Variants in RPL13A observed in about 807,000 individuals in gnomAD.
The protein encoded by RPL13A is large ribosomal subunit protein uL13.
RPL13A carries 4 observed loss-of-function variants against 30.8 expected under a neutral mutation model. That is an observed-to-expected ratio of 0.13 (90% CI 0.06 to 0.30). RPL13A has a LOEUF of 0.30. Ranked by LOEUF, RPL13A falls within the 10% of genes least tolerant of loss-of-function variation. The pLI is 1.00. For synonymous variants in RPL13A, 108 were observed against 104.2 expected, an observed-to-expected ratio of 1.04 and a Z score of -0.22; for missense variants, 196 against 272.6, an observed-to-expected ratio of 0.72 and a Z score of 1.98.
chr19:49,490,367 G>A, intron 3 of RPL13A, 70 bp downstream of exon 3: 1 of 1,593,466 alleles, frequency 6.3e-7, no homozygotes, highest in Non-Finnish European at 8.6e-7. Flanking sequence ...GAAAGCAATT[G>A]CAGCCGTGTT....
chr19:49,491,119 G>T lies in RPL13A; in HGVS notation c.402+20G>T. 2.5e-6 allele frequency: 4 copies of T among 1,613,796 alleles called. No homozygotes were observed. Among genetic ancestry groups the T allele is most frequent in the Non-Finnish European group, 3.4e-6 (4 of 1,179,848 alleles). On this transcript the variant is annotated intron_variant, in intron 6 of 7. Coordinates refer to ENST00000391857, the MANE Select transcript of RPL13A (RefSeq NM_012423.4). ...AGAAAGGTGAGTCCCAGCTTACGCT[G>T]CACCATCTACTTGGGAGATTTCAGG...
At position 49,491,026 on chromosome 19, in the gene RPL13A, T is replaced by A; in HGVS notation, c.343-14T>A. On this transcript the variant is annotated splice_polypyrimidine_tract_variant and intron_variant, in intron 5 of 7. Transcript: ENST00000391857. ...TCCCTCCCGGGCTCTTAAGCCCCTC[T>A]CTTTCTCTAACAGAAAAAGCGGATG... is the stretch of plus-strand genomic sequence containing the variant. The A allele has an allele frequency of 6.2e-7, 1 of 1,614,234 alleles. No homozygotes were observed. The highest frequency in any genetic ancestry group is 2.2e-5 in the East Asian group (1 of 44,882).
intron 1 of RPL13A, 104 bp downstream of exon 1, chr19:49,487,748 C>T: frequency 8.3e-7 from 1 of 1,200,508 alleles, no homozygotes; most frequent in Non-Finnish European, 1.1e-6. Flanking sequence ...GCTTAACATC[C>T]ATAATGAAGC....
rs1181895568 is a variant in RPL13A at position 49,491,410 on chromosome 19, C to CT, written c.403-15_403-14insT. 9.5e-6 allele frequency: 6 copies of CT among 632,652 alleles called. No individual in the cohort carries two copies. The African/African-American group carries it at 1.4e-4, about 15-fold the overall frequency. 39.2% of individuals were successfully genotyped at this position (632,652 alleles called of 1,614,324 possible). A position where few individuals can be genotyped will look rare whatever the true frequency, so the allele number is the denominator to read the frequency against. ...TACAACTTCATTTGTTCACCCCCCC[C>CT]CCCCCCCCCCGCAGTTTGCCTATCT... On this transcript the variant is annotated splice_polypyrimidine_tract_variant and intron_variant, in intron 6 of 7. Transcript: ENST00000391857.
Position 49,491,698 on chromosome 19 carries a change from GACC to G in RPL13A, c.526-21_526-19del, listed in dbSNP as rs1238247144. The G allele has an allele frequency of 6.8e-6, 11 of 1,606,164 alleles. No individual in the cohort carries two copies. In the South Asian group the frequency reaches 7.8e-5, roughly 11 times the overall value. On this transcript the variant is annotated intron_variant, in intron 7 of 7. Transcript: ENST00000391857. ...TAATGAGGGCAATGCAACCCCTCCT[GACC>G]ACCACCACCTGCACTTATTCTTGGC...
At chr19:49,490,606 G>A in intron 4 of RPL13A, 30 bp downstream of exon 4, 1 of 1,609,926 alleles carries the variant, frequency 6.2e-7, no homozygotes, top group Non-Finnish European at 8.5e-7. Flanking sequence ...TGCAGGTGGT[G>A]ACGGGCAGGC....
At chr19:49,490,035 C>A (rs759274029) in intron 2 of RPL13A, 113 bp downstream of exon 2, 19 of 1,028,318 alleles carry the variant, frequency 1.8e-5, no homozygotes, top group Non-Finnish European at 2.8e-5. Flanking sequence ...CCCCATGCAC[C>A]GCTCTGAGAC....
chr19:49,489,988 AC>A, intron 2 of RPL13A, 66 bp downstream of exon 2: 1 of 1,306,974 alleles, frequency 7.7e-7, no homozygotes, highest in Non-Finnish European at 1.1e-6. Context: ...AGCAACATTC[AC>A]CATCTTTCGT....
chr19:49,491,124 A>G (rs1224794417), intron 6 of RPL13A, 25 bp downstream of exon 6: 2 of 1,613,764 alleles, frequency 1.2e-6, no homozygotes, highest in Non-Finnish European at 8.5e-7. Context: ...ACGCTGCACC[A>G]TCTACTTGGG....
chr19:49,489,269 A>G lies in RPL13A; in HGVS notation c.16-581A>G, dbSNP rs183845188. On this transcript the variant is annotated intron_variant, in intron 1 of 7. Transcript: ENST00000391857. ...CGAGCATTTTGGAAGGCCGAGGCAC[A>G]CGGTTCACTTGAAGCGAGGAGTACA... Among the ~76,000 whole-genome samples the G allele has an allele frequency of 2.5e-3, 387 of 152,290 alleles. 1 individual carries two copies. Among genetic ancestry groups the G allele is most frequent in the African/African-American group, 8.9e-3 (372 of 41,566 alleles).
chr19:49,490,484 T>C lies in RPL13A; in HGVS notation c.164T>C (p.Leu55Pro). 1 of 1,614,208 alleles carries C rather than the reference T, an allele frequency of 6.2e-7. No individual in the cohort carries two copies. The highest frequency in any genetic ancestry group is 8.5e-7 in the Non-Finnish European group (1 of 1,180,036). ...GNFYRNKLKY[L>P]AFLRKRMNTN... ...TCTCCCCTCTCCCTAGTGAAGTACCTGGCTTTCCTCCGCAAGCGGATGAAC... is the reference window on the plus strand; with the variant it reads ...TCTCCCCTCTCCCTAGTGAAGTACCCGGCTTTCCTCCGCAAGCGGATGAAC... The change falls in exon 4 of 8, where the codon CTG (leucine) becomes CCG (proline). Residue 55 changes from leucine to proline, a missense_variant. Coordinates refer to ENST00000391857, the MANE Select transcript of RPL13A (RefSeq NM_012423.4).
In RPL13A at chr19:49,492,015, T is replaced by C. The variant is rs1476189763; in HGVS notation, c.*200T>C. The stretch of plus-strand genomic sequence containing the variant: ...CACTCGGAGAATTGTGCAGGTGTCA[T>C]TTATCTATGACCAATAGGAAGAGCA... On this transcript the variant is annotated 3_prime_UTR_variant, in exon 8 of 8. Transcript: ENST00000391857. The C allele has an allele frequency of 1.8e-6, 1 of 561,866 alleles. No individual in the cohort carries two copies. 34.8% of individuals were successfully genotyped at this position (561,866 alleles called of 1,614,324 possible).
intron 1 of RPL13A, among the ~76,000 whole-genome samples, chr19:49,488,901 T>C (rs578126485): frequency 6.6e-6 from 1 of 152,316 alleles, no homozygotes; most frequent in African/African-American, 2.4e-5. Context: ...AGACAGGGTT[T>C]CACCATATTG....
rs367965737 is a variant in RPL13A, at chr19:49,490,215, C to T, written c.89-17C>T. On this transcript the variant is annotated splice_polypyrimidine_tract_variant and intron_variant, in intron 2 of 7. Coordinates refer to ENST00000391857, the MANE Select transcript of RPL13A (RefSeq NM_012423.4). The stretch of plus-strand genomic sequence containing the variant: ...CCTCAGGCGGCTCGGCCCTGCTAAG[C>T]CTTTCCCTCCCTCTAGGCCGGAAGG... The T allele has an allele frequency of 1.2e-6, 2 of 1,613,770 alleles. No homozygotes were observed. The highest frequency in any genetic ancestry group is 2.2e-5 in the South Asian group (2 of 91,052).
chr19:49,490,033 AC>A, intron 2 of RPL13A, 111 bp downstream of exon 2: 1 of 1,047,248 alleles, frequency 9.5e-7, no homozygotes, highest in South Asian at 1.3e-5. Context: ...AACCCCATGC[AC>A]CGCTCTGAGA....
At chr19:49,490,989 C>T (rs767988796) in intron 5 of RPL13A, 51 bp from the exon 6 acceptor site, 9 of 1,612,288 alleles carry the variant, frequency 5.6e-6, no homozygotes, top group Non-Finnish European at 7.6e-6. Flanking sequence ...AGCCGACCTC[C>T]TTCCCTGTCT....
At chr19:49,490,756 G>A in intron 4 of RPL13A, 23 bp from the exon 5 acceptor site, 1 of 1,613,994 alleles carries the variant, frequency 6.2e-7, no homozygotes, top group African/African-American at 1.3e-5. Flanking sequence ...CTCTGACTGG[G>A]CCTGCTATCT....
rs759648328 is a variant in RPL13A, at chr19:49,491,020, C to T, written c.343-20C>T. ...TGTCTGTCCCTCCCGGGCTCTTAAGCCCCTCTCTTTCTCTAACAGAAAAAG... is the reference window on the plus strand; with the variant it reads ...TGTCTGTCCCTCCCGGGCTCTTAAGTCCCTCTCTTTCTCTAACAGAAAAAG... On this transcript the variant is annotated intron_variant, in intron 5 of 7. Coordinates refer to ENST00000391857, the MANE Select transcript of RPL13A (RefSeq NM_012423.4). The T allele has an allele frequency of 6.8e-6, 11 of 1,614,236 alleles. No individual in the cohort carries two copies. The highest frequency in any genetic ancestry group is 2.2e-5 in the South Asian group (2 of 91,084).
Position 49,490,944 on chromosome 19 carries a change from C to T in RPL13A, c.342+80C>T, listed in dbSNP as rs753291583. 1.9e-5 allele frequency: 31 copies of T among 1,603,702 alleles called. No homozygotes were observed. The South Asian group carries it at 2.9e-4, about 15-fold the overall frequency. ...TCCGCAACTACCTACATTGTTTGAT[C>T]CTCATGAAAGCAGCACTGGCTGAGA... On this transcript the variant is annotated intron_variant, in intron 5 of 7. Coordinates refer to ENST00000391857, the MANE Select transcript of RPL13A (RefSeq NM_012423.4).
Sources: gnomAD v4.1 joint callset for allele counts (sites outside exome capture counted in the v4.1 genomes callset) on GRCh38, gnomAD v4.1.1 for gene constraint, MANE v1.5 for transcripts, NCBI Gene and HGNC (gene_info 2026-07-23, HGNC 2026-07-21) for gene names.